The following DAAM2 variants were observed in gnomAD, a reference collection of about 807,000 sequenced individuals.
DAAM2 encodes the protein disheveled-associated activator of morphogenesis 2.
Under a neutral mutation model 120.7 loss-of-function variants are expected in DAAM2, and 39 were observed. The observed-to-expected ratio is 0.32, with a 90% CI of 0.25 to 0.42. The LOEUF is 0.42. DAAM2 is among the 10% of genes least tolerant of loss of function. The pLI is 1.00. For missense variants in DAAM2, 1,283 were observed against 1,401.7 expected (o/e 0.92, Z 1.35); for synonymous variants, 488 against 524.9 (o/e 0.93, Z 0.96).
At chr6:39,898,624 C>T (rs1444808781) in intron 21 of DAAM2, among the ~76,000 whole-genome samples, 1 of 152,228 alleles carries the variant, frequency 6.6e-6, no homozygotes, top group African/African-American at 2.4e-5. Flanking sequence ...TCTGATATTG[C>T]AGCATGACAT....
At chr6:39,837,813 T>G (rs755790946) in intron 1 of DAAM2, among the ~76,000 whole-genome samples, 1 of 152,044 alleles carries the variant, frequency 6.6e-6, no homozygotes, top group Non-Finnish European at 1.5e-5. Context: ...AAAACCCCAA[T>G]GCCATATATT....
chr6:39,871,556 C>A lies in DAAM2; in HGVS notation c.1028C>A (p.Ala343Asp). 3.2e-6 allele frequency: 5 copies of A among 1,550,730 alleles called. No individual in the cohort carries two copies. Among genetic ancestry groups the A allele is most frequent in the Non-Finnish European group, 3.5e-6 (4 of 1,146,986 alleles). The part of the protein sequence containing the change: ...MVRNEDDLEL[A>D]RRFDMVHIDT... ...CGGAATGAGGATGACCTGGAGCTAG[C>A]CAGGAGGTTTGACATGGTGAGGAGC... Residue 343 changes from alanine to aspartate, a missense_variant, in exon 9 of 25, where the codon GCC (alanine) becomes GAC (aspartate). Ala to Asp is a moderately radical substitution (Grantham distance 126, BLOSUM62 -2). Around this residue, in one of 3 missense-constraint regions of DAAM2, gnomAD observed 338 missense variants for 443.9 expected, o/e 0.76. Transcript: ENST00000274867.
At position 39,904,298 on chromosome 6, in the gene DAAM2, T is replaced by A. The variant is rs775692703; in HGVS notation, c.*2261T>A. On this transcript the variant is annotated 3_prime_UTR_variant, in exon 25 of 25. Transcript: ENST00000274867. ...GATATTTTTCTATTTATTTTCTACA[T>A]CTGGCCAGTGGCTCTGGTGCTAGAT... 14 of 456,662 alleles carry A rather than the reference T, an allele frequency of 3.1e-5. No individual in the cohort carries two copies. The highest frequency in any genetic ancestry group is 2.2e-4 in the South Asian group (14 of 64,576). The allele number at this position is 456,662 out of a possible 1,614,324, so 28.3% of individuals were successfully genotyped here.
chr6:39,875,374 C>G lies in DAAM2; in HGVS notation c.1207C>G (p.Arg403Gly), dbSNP rs753445244. 5 of 1,613,838 alleles carry G rather than the reference C, an allele frequency of 3.1e-6. No homozygotes were observed. Among genetic ancestry groups the G allele is most frequent in the Non-Finnish European group, 1.7e-6 (2 of 1,179,872 alleles). The change falls in exon 11 of 25, where the codon CGC (arginine) becomes GGC (glycine). Residue 403 changes from arginine (R) to glycine (G), a missense_variant. Transcript: ENST00000274867. The stretch of plus-strand genomic sequence containing the variant: ...CTTCCAGCAGTGGCAGCTCCTGGAC[C>G]GCATCCTCCAGCAGATTGTCCTCCA... ...GYFQQWQLLDRILQQIVLQDE... is the reference protein window; with the variant it reads ...GYFQQWQLLDGILQQIVLQDE...
At chr6:39,795,710 A>G (rs1761679929) in intron 1 of DAAM2, among the ~76,000 whole-genome samples, 1 of 152,150 alleles carries the variant, frequency 6.6e-6, no homozygotes, top group Non-Finnish European at 1.5e-5. Context: ...TAGTGGGTGG[A>G]GTTTCTAGGG....
intron 10 of DAAM2, 78 bp downstream of exon 10, chr6:39,873,433 C>T (rs143610795): frequency 5.0e-6 from 5 of 1,009,408 alleles, no homozygotes; most frequent in African/African-American, 4.8e-5. Context: ...GACTTTGGGA[C>T]CTCCCTGGTT....
chr6:39,897,319 T>C, intron 21 of DAAM2, 37 bp downstream of exon 21: 1 of 1,328,026 alleles, frequency 7.5e-7, no homozygotes, highest in South Asian at 1.2e-5. Flanking sequence ...CTCCCCATGA[T>C]GACCCTCATT....
chr6:39,893,795 GA>G (rs1479325101), intron 19 of DAAM2, among the ~76,000 whole-genome samples: 3 of 152,206 alleles, frequency 2.0e-5, no homozygotes, highest in Non-Finnish European at 4.4e-5. Flanking sequence ...TATAAGTGGA[GA>G]AAAGAGGATT....
At chr6:39,853,150 C>A (rs957645008) in intron 1 of DAAM2, among the ~76,000 whole-genome samples, 1 of 152,196 alleles carries the variant, frequency 6.6e-6, no homozygotes, top group East Asian at 1.9e-4. Context: ...AGGCCTGTGA[C>A]CTCAGATAAG....
chr6:39,795,456 T>A (rs181930823), intron 1 of DAAM2, among the ~76,000 whole-genome samples: 1 of 152,338 alleles, frequency 6.6e-6, no homozygotes, highest in Non-Finnish European at 1.5e-5. Context: ...TAACCTGGGC[T>A]ACATGACTTA....
chr6:39,837,825 T>C (rs536483823), intron 1 of DAAM2, among the ~76,000 whole-genome samples: 81 of 152,312 alleles, frequency 5.3e-4, no homozygotes, highest in African/African-American at 1.9e-3. Flanking sequence ...CCATATATTT[T>C]ACAGAGTTAT....
chr6:39,829,638 T>C (rs906503880), intron 1 of DAAM2, among the ~76,000 whole-genome samples: 3 of 152,214 alleles, frequency 2.0e-5, no homozygotes, highest in Non-Finnish European at 2.9e-5. Flanking sequence ...CCTGGGTCAG[T>C]AGTGATCTTA....
Position 39,904,473 on chromosome 6 carries a change from C to T in DAAM2, c.*2436C>T, listed in dbSNP as rs764874736. 2.6e-5 allele frequency: 12 copies of T among 454,558 alleles called. No individual in the cohort carries two copies. The highest frequency in any genetic ancestry group is 1.9e-4 in the South Asian group (12 of 64,480). The allele number at this position is 454,558 out of a possible 1,614,324, so 28.2% of individuals were successfully genotyped here. A position where few individuals can be genotyped will look rare whatever the true frequency, so the allele number is the denominator to read the frequency against. On this transcript the variant is annotated 3_prime_UTR_variant, in exon 25 of 25. Transcript: ENST00000274867. ...TTTCTTCATGCCCTCCCCACTGCTC[C>T]TGCCACCTTTAGATAAGTTTCTCTA...
At chr6:39,801,479 C>T (rs1019940761) in intron 1 of DAAM2, among the ~76,000 whole-genome samples, 2 of 152,202 alleles carry the variant, frequency 1.3e-5, no homozygotes, top group Non-Finnish European at 2.9e-5. Context: ...TCCTCTCTAC[C>T]TCACCTGTGC....
intron 14 of DAAM2, among the ~76,000 whole-genome samples, chr6:39,883,091 G>A (rs1211612134): frequency 2.0e-5 from 3 of 152,092 alleles, no homozygotes; most frequent in Non-Finnish European, 4.4e-5. Flanking sequence ...AGATGAGGTG[G>A]GGATTCCTGA....
rs4422621 is a variant in DAAM2 at position 39,878,914 on chromosome 6, G to C, written c.1546-264G>C. Among the ~76,000 whole-genome samples the C allele has an allele frequency of 9.8e-3, 1,493 of 152,242 alleles. 15 individuals carry two copies. Among genetic ancestry groups the C allele is most frequent in the Middle Eastern group, 0.031 (9 of 294 alleles). On this transcript the variant is annotated intron_variant, in intron 13 of 24. Transcript: ENST00000274867. The surrounding 1 kb of genome is among the most constrained non-coding windows in gnomAD (Gnocchi z 5.0). ...CACAACTGCATAGATCAGTCCTGCT[G>C]TTGCATTGTGATGGCTATGACTCTG...
chr6:39,851,396 T>G (rs1434405724), intron 1 of DAAM2, among the ~76,000 whole-genome samples: 1 of 152,208 alleles, frequency 6.6e-6, no homozygotes, highest in African/African-American at 2.4e-5. Flanking sequence ...TGGTTTTTTC[T>G]CCATAAGTTC....
rs1765007188 is a variant in DAAM2, at chr6:39,879,226, T to C, written c.1594T>C (p.Ser532Pro). The C allele has an allele frequency of 6.5e-7, 1 of 1,550,072 alleles. No homozygotes were observed. Among genetic ancestry groups the C allele is most frequent in the Admixed American group, 2.0e-5 (1 of 50,780 alleles). Residue 532 changes from serine to proline, a missense_variant, in exon 14 of 25, where the codon TCT becomes CCT. This residue lies in a region of DAAM2 where 748 missense variants were observed against 768.6 expected (regional missense o/e 0.97). Transcript: ENST00000274867. ...ACCCCCTGGGGGCCCACTCACCTTGTCTTCCTCAATGACAACCAATGACCT... is the reference window on the plus strand; with the variant it reads ...ACCCCCTGGGGGCCCACTCACCTTGCCTTCCTCAATGACAACCAATGACCT... ...PPPPGGPLTLSSSMTTNDLPP... is the reference protein window; with the variant it reads ...PPPPGGPLTLPSSMTTNDLPP...
chr6:39,847,192 C>T (rs893919405), intron 1 of DAAM2, among the ~76,000 whole-genome samples: 1 of 152,198 alleles, frequency 6.6e-6, no homozygotes, highest in African/African-American at 2.4e-5. Context: ...AAGGTCCTTC[C>T]CTCAAGAGTG....
Sources: gnomAD v4.1 joint callset for allele counts (sites outside exome capture counted in the v4.1 genomes callset) on GRCh38, gnomAD v4.1.1 for gene constraint, gnomAD v4.1.1 regional missense constraint, Gnocchi (gnomAD v3.1) non-coding constraint, MANE v1.5 for transcripts, NCBI Gene and HGNC (gene_info 2026-07-23, HGNC 2026-07-21) for gene names.